Variants in MCF2L observed in about 807,000 individuals in gnomAD.
MCF2L encodes the protein guanine nucleotide exchange factor DBS.
Under a neutral mutation model 153.4 loss-of-function variants are expected in MCF2L, and 97 were observed. That is an observed-to-expected ratio of 0.63 (90% confidence interval 0.54 to 0.75). The LOEUF (loss-of-function observed/expected upper bound fraction) is 0.75, where lower values mean the gene tolerates loss of function less well. MCF2L is among the 30% of genes least tolerant of loss of function. The pLI is 0.00. For missense variants in MCF2L, 1,347 were observed against 1,495.2 expected, an observed-to-expected ratio of 0.90 and a Z score of 1.64; for synonymous variants, 659 against 632.2, an observed-to-expected ratio of 1.04 and a Z score of -0.64.
chr13:113,023,731 C>T (rs542893745), intron 2 of MCF2L, among the ~76,000 whole-genome samples: 4 of 152,358 alleles, frequency 2.6e-5, no homozygotes, highest in South Asian at 4.1e-4. Flanking sequence ...CTTCACTCCA[C>T]GCACGGGGCA....
chr13:112,902,141 GTTC>G (rs2081125268), intron 1 of MCF2L: 2 of 1,444,868 alleles, frequency 1.4e-6, no homozygotes, highest in African/African-American at 2.8e-5. Flanking sequence ...CAGAGCAACA[GTTC>G]TTAAGTCTTT....
intron 2 of MCF2L, chr13:112,909,386 AGGCGTTGATC>A: frequency 1.3e-6 from 1 of 760,944 alleles, no homozygotes. Flanking sequence ...AGCCAGGCTA[AGGCGTTGATC>A]CCAAGGGGCT....
In MCF2L at chr13:113,045,644, G is replaced by A. The variant is rs1209427926; in HGVS notation, c.369+283G>A. 2.0e-6 allele frequency: 1 copy of A among 506,082 alleles called. No individual in the cohort carries two copies. Among genetic ancestry groups the A allele is most frequent in the African/African-American group, 1.9e-5 (1 of 52,436 alleles). The allele number at this position is 506,082 out of a possible 1,614,324, so 31.3% of individuals were successfully genotyped here. A position where few individuals can be genotyped will look rare whatever the true frequency, so the allele number is the denominator to read the frequency against. On this transcript the variant is annotated intron_variant, in intron 4 of 29. Coordinates refer to ENST00000535094, the MANE Select transcript of MCF2L (RefSeq NM_001112732.3). This position sits in a 1 kb window ranked among gnomAD's most constrained non-coding sequence, Gnocchi z 4.2. ...CAGCCCATATGTTTCCGAACACCAA[G>A]TCTGAGATGCTCGGGACTGAATATG... is the stretch of plus-strand genomic sequence containing the variant.
intron 2 of MCF2L, among the ~76,000 whole-genome samples, chr13:112,903,918 G>T (rs188890846): frequency 6.6e-6 from 1 of 152,180 alleles, no homozygotes; most frequent in African/African-American, 2.4e-5. Flanking sequence ...TGTGCAGGGG[G>T]CTTCAGAAGA....
intron 2 of MCF2L, among the ~76,000 whole-genome samples, chr13:113,018,050 G>A (rs1197180730): frequency 2.6e-5 from 4 of 152,190 alleles, no homozygotes; most frequent in East Asian, 1.9e-4. Context: ...GTGCGGTCCC[G>A]TCTTCTCCCT....
intron 4 of MCF2L, among the ~76,000 whole-genome samples, chr13:113,049,744 G>C (rs1378733561): frequency 6.6e-6 from 1 of 152,220 alleles, no homozygotes; most frequent in Non-Finnish European, 1.5e-5. Context: ...GCCTCCAAGC[G>C]CTCGGCCACC....
At chr13:113,002,197 G>A (rs1465087787) in intron 1 of MCF2L, among the ~76,000 whole-genome samples, 1 of 152,214 alleles carries the variant, frequency 6.6e-6, no homozygotes, top group Non-Finnish European at 1.5e-5. Context: ...AGGTGTGCAC[G>A]GGCCTTGCCC....
chr13:112,968,482 C>G (rs762941286), upstream of MCF2L: 1 of 1,588,266 alleles, frequency 6.3e-7, no homozygotes, highest in East Asian at 2.3e-5. Flanking sequence ...GGGTGGAGAG[C>G]CCCGTGCCTG....
At chr13:112,976,459 G>GAGA (rs2082217110) in intron 1 of MCF2L, among the ~76,000 whole-genome samples, 1 of 152,212 alleles carries the variant, frequency 6.6e-6, no homozygotes, top group African/African-American at 2.4e-5. Flanking sequence ...GGACAATGAA[G>GAGA]AGAAGCATTC....
intron 2 of MCF2L, among the ~76,000 whole-genome samples, chr13:112,955,685 G>T (rs550266728): frequency 1.3e-5 from 2 of 152,140 alleles, no homozygotes; most frequent in African/African-American, 4.8e-5. Flanking sequence ...GGCAGACTGC[G>T]CTGGAGGCTG....
intron 4 of MCF2L, among the ~76,000 whole-genome samples, chr13:113,050,321 C>T (rs1397066430): frequency 2.0e-5 from 3 of 150,870 alleles, no homozygotes; most frequent in Non-Finnish European, 4.4e-5. Flanking sequence ...TGTGTGTGTG[C>T]GTGTTCACAT....
chr13:113,078,634 C>T (rs1358594513), intron 14 of MCF2L, 32 bp from the exon 15 acceptor site: 1 of 1,597,180 alleles, frequency 6.3e-7, no homozygotes, highest in Non-Finnish European at 8.6e-7. Flanking sequence ...TTCCGTCCCG[C>T]CTTTCAGACC....
At chr13:113,051,196 G>A (rs576047938) in intron 4 of MCF2L, among the ~76,000 whole-genome samples, 1 of 152,300 alleles carries the variant, frequency 6.6e-6, no homozygotes, top group African/African-American at 2.4e-5. Flanking sequence ...GCGTTTCAGC[G>A]CACCCTGCGC....
Position 113,024,774 on chromosome 13 carries a change from G to C in MCF2L, c.278+16G>C. The C allele has an allele frequency of 6.3e-7, 1 of 1,594,482 alleles. No individual in the cohort carries two copies. The highest frequency in any genetic ancestry group is 1.1e-5 in the South Asian group (1 of 90,682). On this transcript the variant is annotated intron_variant, in intron 3 of 29. Coordinates refer to ENST00000535094, the MANE Select transcript of MCF2L (RefSeq NM_001112732.3). ...GCATCCCCAGGTACGTGCACCCAGA[G>C]CCCGGCAGACATTGTGGTTTGGGGC... is the stretch of plus-strand genomic sequence containing the variant.
At chr13:113,078,307 C>A in intron 13 of MCF2L, 56 bp from the exon 14 acceptor site, 1 of 1,415,616 alleles carries the variant, frequency 7.1e-7, no homozygotes, top group Non-Finnish European at 1.0e-6. Flanking sequence ...GGGTGCACTT[C>A]CCCTCTCCAG....
At chr13:112,984,539 A>T (rs1031583413) in intron 1 of MCF2L, among the ~76,000 whole-genome samples, 1 of 152,190 alleles carries the variant, frequency 6.6e-6, no homozygotes, top group Non-Finnish European at 1.5e-5. Context: ...CGCCCGGCCT[A>T]GAAATTCTCT....
chr13:112,969,530 C>A lies in MCF2L; in HGVS notation c.79+72C>A, dbSNP rs1351269228. 3 of 1,540,328 alleles carry A rather than the reference C, an allele frequency of 1.9e-6. No individual in the cohort carries two copies. Among genetic ancestry groups the A allele is most frequent in the South Asian group, 2.4e-5 (2 of 83,656 alleles). Reference sequence around the variant, plus strand: ...TCATGGGCTGAAATGTGGGGAAATGCGTCTGATTTTTGTAAGCCGCCCTCG... The same window carrying A: ...TCATGGGCTGAAATGTGGGGAAATGAGTCTGATTTTTGTAAGCCGCCCTCG... On this transcript the variant is annotated intron_variant, in intron 1 of 29. Coordinates refer to ENST00000535094, the MANE Select transcript of MCF2L (RefSeq NM_001112732.3). This position sits in a 1 kb window ranked among gnomAD's most constrained non-coding sequence, Gnocchi z 4.8.
Position 112,969,294 on chromosome 13 carries a change from C to T in MCF2L, c.-86C>T. On this transcript the variant is annotated 5_prime_UTR_variant, in exon 1 of 30. Coordinates refer to ENST00000535094, the MANE Select transcript of MCF2L (RefSeq NM_001112732.3). This position sits in a 1 kb window ranked among gnomAD's most constrained non-coding sequence, Gnocchi z 4.8. ...GCCCCCTCCCCGCCTCCGCCGCGCC[C>T]CCTCCGCACTCGCACGGCCCCACCC... 1.3e-6 allele frequency: 2 copies of T among 1,521,134 alleles called. No homozygotes were observed. Among genetic ancestry groups the T allele is most frequent in the African/African-American group, 1.4e-5 (1 of 72,184 alleles). 94.2% of individuals were successfully genotyped at this position (1,521,134 alleles called of 1,614,324 possible). A position where few individuals can be genotyped will look rare whatever the true frequency, so the allele number is the denominator to read the frequency against.
At chr13:113,084,826 G>A (rs542601861) in intron 18 of MCF2L, 66 bp from the exon 19 acceptor site, 42 of 1,227,990 alleles carry the variant, frequency 3.4e-5, no homozygotes, top group Middle Eastern at 1.9e-4. Context: ...TGCGGTGCCC[G>A]TCCCTCACCG....
Sources: gnomAD v4.1 joint callset for allele counts (sites outside exome capture counted in the v4.1 genomes callset) on GRCh38, gnomAD v4.1.1 for gene constraint, Gnocchi (gnomAD v3.1) non-coding constraint, MANE v1.5 for transcripts, NCBI Gene and HGNC (gene_info 2026-07-23, HGNC 2026-07-21) for gene names.